The following KAZN variants were observed in gnomAD, a reference collection of about 807,000 sequenced individuals.
KAZN encodes the protein kazrin.
In KAZN, 40 loss-of-function variants were observed where a neutral mutation model predicts 87.4. The ratio of observed to expected loss-of-function variants is 0.46; its 90% CI spans 0.36 to 0.60. The LOEUF is 0.60. Among genes scored for constraint, KAZN ranks in the 20% least tolerant of loss-of-function variants. The probability of loss-of-function intolerance (pLI) is 0.00; values close to 1 mark genes in which losing one functional copy is unlikely to be tolerated. For missense variants in KAZN, 898 were observed against 1,073.9 expected, an observed-to-expected ratio of 0.84 and a Z score of 2.29; for synonymous variants, 466 against 458.3, an observed-to-expected ratio of 1.02 and a Z score of -0.22.
At chr1:14,549,289 T>A (rs530178004) in intron 2 of KAZN, among the ~76,000 whole-genome samples, 1 of 152,320 alleles carries the variant, frequency 6.6e-6, no homozygotes, top group South Asian at 2.1e-4. Flanking sequence ...AATTCTATCC[T>A]CTGTACTGTG....
intron 2 of KAZN, among the ~76,000 whole-genome samples, chr1:14,980,596 C>T (rs1666140168): frequency 2.0e-5 from 3 of 152,220 alleles, no homozygotes; most frequent in South Asian, 2.1e-4. Context: ...GCTCCAGGCT[C>T]ATCTGCATAG....
At chr1:14,292,051 C>T (rs1324639761) in intron 2 of KAZN, among the ~76,000 whole-genome samples, 1 of 152,118 alleles carries the variant, frequency 6.6e-6, no homozygotes, top group African/African-American at 2.4e-5. Context: ...CTAATACAGA[C>T]CCCCTGTAAT....
intron 1 of KAZN, among the ~76,000 whole-genome samples, chr1:13,927,506 G>T (rs1017542548): frequency 3.3e-5 from 5 of 152,188 alleles, no homozygotes; most frequent in Non-Finnish European, 7.3e-5. Context: ...TAGGAGTTTG[G>T]TCTGTGTCCC....
chr1:14,667,590 C>A (rs1396520058), intron 1 of KAZN, among the ~76,000 whole-genome samples: 3 of 152,106 alleles, frequency 2.0e-5, no homozygotes, highest in Non-Finnish European at 4.4e-5. Flanking sequence ...TTTATCTGAA[C>A]AAAACATCTG....
rs950279860 is a variant in KAZN, at chr1:14,865,955, C to T, written c.227-94729C>T. ...AGGCAGGAAAGATTCTCTCCTGAAGCCTTCAGAGGGAGCACAGCCCTGCCG... is the reference window on the plus strand; with the variant it reads ...AGGCAGGAAAGATTCTCTCCTGAAGTCTTCAGAGGGAGCACAGCCCTGCCG... On this transcript the variant is annotated intron_variant, in intron 1 of 14. Transcript: ENST00000376030. Among the ~76,000 whole-genome samples, 12 of 152,146 alleles carry T rather than the reference C, an allele frequency of 7.9e-5. No homozygotes were observed. In the East Asian group the frequency reaches 2.3e-3, roughly 29 times the overall value.
At chr1:14,544,639 G>C (rs961398276) in intron 2 of KAZN, among the ~76,000 whole-genome samples, 1 of 151,078 alleles carries the variant, frequency 6.6e-6, no homozygotes, top group Non-Finnish European at 1.5e-5. Context: ...AACGCAACTA[G>C]CTTCAGAAAG....
intron 1 of KAZN, among the ~76,000 whole-genome samples, chr1:13,963,687 G>GA (rs1354040368): frequency 6.6e-6 from 1 of 151,150 alleles, no homozygotes; most frequent in Non-Finnish European, 1.5e-5. Flanking sequence ...TCTCCTCCAT[G>GA]AAAAAACAAA....
At chr1:14,180,955 A>C (rs1646184759) in intron 2 of KAZN, among the ~76,000 whole-genome samples, 1 of 152,136 alleles carries the variant, frequency 6.6e-6, no homozygotes, top group African/African-American at 2.4e-5. Context: ...CAGCATAAGT[A>C]ACTAATGAAT....
intron 1 of KAZN, among the ~76,000 whole-genome samples, chr1:14,930,431 C>T (rs1659681260): frequency 6.6e-6 from 1 of 152,222 alleles, no homozygotes. Flanking sequence ...ACAGCACAGC[C>T]TCAGCAGCAT....
chr1:14,280,990 A>C (rs977594872), intron 2 of KAZN, among the ~76,000 whole-genome samples: 2 of 152,244 alleles, frequency 1.3e-5, no homozygotes, highest in Non-Finnish European at 2.9e-5. Context: ...GCAAGTCTAC[A>C]GTCTGTTGAG....
Position 15,023,443 on chromosome 1 carries a change from C to A in KAZN, c.419-11306C>A, listed in dbSNP as rs539846714. On this transcript the variant is annotated intron_variant, in intron 2 of 14. Coordinates refer to ENST00000376030, the MANE Select transcript of KAZN (RefSeq NM_201628.3). ...GGGTAGGAGGGGGAAGGAAGGAGGG[C>A]CTTCCAGGCAGAGGGAACAGCTCAT... Among the ~76,000 whole-genome samples, 6 of 152,144 alleles carry A rather than the reference C, an allele frequency of 3.9e-5. No homozygotes were observed. In the South Asian group the frequency reaches 1.2e-3, roughly 32 times the overall value.
chr1:14,728,988 G>C (rs1281203319), intron 1 of KAZN, among the ~76,000 whole-genome samples: 3 of 152,124 alleles, frequency 2.0e-5, no homozygotes, highest in Non-Finnish European at 4.4e-5. Flanking sequence ...ATATCCTTAG[G>C]TGACGATTGG....
At chr1:14,305,227 C>G (rs112550926) in intron 2 of KAZN, among the ~76,000 whole-genome samples, 1 of 151,986 alleles carries the variant, frequency 6.6e-6, no homozygotes, top group Non-Finnish European at 1.5e-5. Context: ...AAACCCATGT[C>G]GAAAGCAGAA....
rs190153448 is a variant in KAZN, at chr1:14,366,601, C to T, written c.249+186009C>T. On this transcript the variant is annotated intron_variant, in intron 2 of 16. Coordinates refer to the KAZN transcript ENST00000636203. ...GTGGGAGGGAACACACAAGTGTGAG[C>T]GGGTGCAGGAGCCGTGGGCGAGCAC... 2.6e-4 allele frequency among the ~76,000 whole-genome samples: 39 copies of T among 152,284 alleles called. No individual in the cohort carries two copies. In the South Asian group the frequency reaches 4.6e-3, roughly 18 times the overall value.
intron 1 of KAZN, among the ~76,000 whole-genome samples, chr1:14,881,716 G>T (rs2801178): frequency 0.24 from 36,725 of 152,104 alleles, 5,228 homozygotes; most frequent in East Asian, 0.58. Context: ...GTTTCTGCTC[G>T]ACCACTTCCC....
At chr1:14,291,558 G>A (rs1277834453) in intron 2 of KAZN, among the ~76,000 whole-genome samples, 3 of 152,166 alleles carry the variant, frequency 2.0e-5, no homozygotes, top group Non-Finnish European at 4.4e-5. Flanking sequence ...GTGTTTGGGT[G>A]GGAGTGTCTC....
intron 8 of KAZN, chr1:15,068,229 C>T (rs893073682): frequency 4.0e-5 from 12 of 299,314 alleles, no homozygotes; most frequent in Non-Finnish European, 5.9e-5. Context: ...CACAGGCTGG[C>T]ATGACCTGCT....
chr1:14,035,451 C>CT (rs1201623246), intron 1 of KAZN, among the ~76,000 whole-genome samples: 5 of 151,348 alleles, frequency 3.3e-5, no homozygotes, highest in East Asian at 1.9e-4. Context: ...TTTCTTTTGC[C>CT]TTTTTTTCTT....
At chr1:14,730,059 A>G (rs984577517) in intron 1 of KAZN, among the ~76,000 whole-genome samples, 1 of 152,118 alleles carries the variant, frequency 6.6e-6, no homozygotes, top group East Asian at 1.9e-4. Context: ...CTTTACAGAA[A>G]GAGTTTGCTG....
Sources: allele counts gnomAD v4.1 joint callset (sites outside exome capture counted in the v4.1 genomes callset), GRCh38; gene constraint gnomAD v4.1.1; transcripts MANE v1.5; gene names NCBI Gene and HGNC (gene_info 2026-07-23, HGNC 2026-07-21).